The following OAF variants were observed in gnomAD, a reference collection of about 807,000 sequenced individuals.
OAF encodes the protein out at first homolog, also known as out at first protein homolog.
Under a neutral mutation model 22.5 loss-of-function variants are expected in OAF, and 13 were observed. The ratio of observed to expected loss-of-function variants is 0.58; its 90% CI spans 0.38 to 0.92. OAF has a LOEUF of 0.92. Among genes scored for constraint, OAF ranks in the 40% least tolerant of loss-of-function variants. The pLI, the probability that OAF is intolerant of heterozygous loss-of-function variation, is 0.00. For missense variants in OAF, 347 were observed against 381.8 expected (o/e 0.91, Z 0.76); for synonymous variants, 175 against 170.5 (o/e 1.03, Z -0.21).
Position 120,228,864 on chromosome 11 carries a change from C to T in OAF, c.548-4C>T, listed in dbSNP as rs1476484260. 6.4e-7 allele frequency: 1 copy of T among 1,562,714 alleles called. No homozygotes were observed. Among genetic ancestry groups the T allele is most frequent in the African/African-American group, 1.4e-5 (1 of 73,652 alleles). ...CCTCCCTGATCCTTGCCTCTCTCCC[C>T]CAGGTGTGGACAGTTCTGTGTTCGA... On this transcript the variant is annotated splice_region_variant and splice_polypyrimidine_tract_variant and intron_variant, in intron 3 of 3. Coordinates refer to ENST00000328965, the MANE Select transcript of OAF (RefSeq NM_178507.4).
chr11:120,211,859 C>T (rs1938153647), intron 1 of OAF, among the ~76,000 whole-genome samples: 1 of 152,192 alleles, frequency 6.6e-6, no homozygotes, highest in African/African-American at 2.4e-5. Context: ...TCGCTGTGGG[C>T]TCTCACTGTG....
At chr11:120,215,906 G>C (rs1020116471) in intron 1 of OAF, among the ~76,000 whole-genome samples, 1 of 152,120 alleles carries the variant, frequency 6.6e-6, no homozygotes, top group Non-Finnish European at 1.5e-5. Flanking sequence ...GTGGTGGGCG[G>C]TGGGGGTCCC....
In OAF at chr11:120,228,820, TTCCCTCCCTCCC is replaced by T. The variant is rs760449235; in HGVS notation, c.548-34_548-23del. ...AGCGGCCTCTGACTAGGGGAGCTCC[TTCCCTCCCTCCC>T]TCCCTCCCTCCCTGATCCTTGCCTC... On this transcript the variant is annotated intron_variant, in intron 3 of 3. Coordinates refer to ENST00000328965, the MANE Select transcript of OAF (RefSeq NM_178507.4). 4.4e-5 allele frequency: 28 copies of T among 631,110 alleles called. 5 individuals are homozygous for T. Among genetic ancestry groups the T allele is most frequent in the Non-Finnish European group, 6.4e-5 (22 of 344,634 alleles). 39.1% of individuals were successfully genotyped at this position (631,110 alleles called of 1,614,324 possible).
chr11:120,226,477 C>T (rs924938736), intron 2 of OAF, among the ~76,000 whole-genome samples: 3 of 152,222 alleles, frequency 2.0e-5, no homozygotes, highest in South Asian at 2.1e-4. Flanking sequence ...TTGGAAAGTA[C>T]GTGATTCCAG....
intron 3 of OAF, among the ~76,000 whole-genome samples, chr11:120,228,248 C>T (rs904864293): frequency 6.6e-6 from 1 of 152,140 alleles, no homozygotes; most frequent in Non-Finnish European, 1.5e-5. Flanking sequence ...CTGTGCCCAG[C>T]TAATTTTTGT....
chr11:120,222,530 T>A (rs1313203206), intron 1 of OAF, among the ~76,000 whole-genome samples: 1 of 149,812 alleles, frequency 6.7e-6, no homozygotes, highest in Non-Finnish European at 1.5e-5. Context: ...CACTCCAGCC[T>A]GGGTGACGGA....
chr11:120,214,898 G>A (rs1938190470), intron 1 of OAF, among the ~76,000 whole-genome samples: 1 of 152,356 alleles, frequency 6.6e-6, no homozygotes. Context: ...GGCTGACCGA[G>A]CCACAGCTCT....
Position 120,225,711 on chromosome 11 carries a change from G to C in OAF, c.282G>C (p.Gln94His), listed in dbSNP as rs766480346. ...ALILGELEKGQSQFQALCFVT... is the reference protein window; with the variant it reads ...ALILGELEKGHSQFQALCFVT... ...TCCTGGGGGAGCTGGAGAAGGGGCA[G>C]AGTCAGTTCCAGGCCCTCTGCTTTG... is the stretch of plus-strand genomic sequence containing the variant. The change falls in exon 2 of 4, where the codon CAG becomes CAC. Residue 94 changes from glutamine (Q) to histidine (H), a missense_variant. Gln to His is a conservative substitution (Grantham distance 24). Transcript: ENST00000328965. 1 of 1,606,110 alleles carries C rather than the reference G, an allele frequency of 6.2e-7. No homozygotes were observed. Among genetic ancestry groups the C allele is most frequent in the African/African-American group, 1.3e-5 (1 of 74,292 alleles).
rs200287961 is a variant in OAF at position 120,225,814 on chromosome 11, C to T, written c.366+19C>T. 1.9e-3 allele frequency: 3,048 copies of T among 1,589,538 alleles called. 2 individuals are homozygous for T. Among genetic ancestry groups the T allele is most frequent in the Non-Finnish European group, 2.5e-3 (2,900 of 1,170,158 alleles). On this transcript the variant is annotated intron_variant, in intron 2 of 3. Transcript: ENST00000328965. ...CCGGCAGGTAAGTGCCCCACCAGGCCTGCCTGGCCCAGGTCCTGACCCGCA... is the reference window on the plus strand; with the variant it reads ...CCGGCAGGTAAGTGCCCCACCAGGCTTGCCTGGCCCAGGTCCTGACCCGCA...
intron 2 of OAF, among the ~76,000 whole-genome samples, chr11:120,226,262 G>C (rs1032317452): frequency 2.0e-5 from 3 of 152,224 alleles, no homozygotes; most frequent in African/African-American, 7.2e-5. Context: ...CACTGAAACT[G>C]GGTTATGGGG....
At chr11:120,221,170 T>C (rs1275030997) in intron 1 of OAF, among the ~76,000 whole-genome samples, 1 of 152,220 alleles carries the variant, frequency 6.6e-6, no homozygotes, top group Non-Finnish European at 1.5e-5. Context: ...GTTTGCTGAC[T>C]TGAGTTGTCA....
At chr11:120,211,540 C>T in intron 1 of OAF, 30 bp downstream of exon 1, 2 of 1,406,722 alleles carry the variant, frequency 1.4e-6, no homozygotes, top group Admixed American at 2.7e-5. Flanking sequence ...CGGGGTGGCA[C>T]CTTCAAGCCT....
rs1333846199 is a variant in OAF at position 120,225,666 on chromosome 11, G to A, written c.237G>A (p.Val79=). The change falls in exon 2 of 4, where the codon GTG becomes GTA. Residue 79 remains valine (V), a synonymous_variant. Coordinates refer to ENST00000328965, the MANE Select transcript of OAF (RefSeq NM_178507.4). ...VSFTADFKKD[V]KVFRALILGE... The stretch of plus-strand genomic sequence containing the variant: ...ATCCTCCTGCCCTTCTTCAGGATGT[G>A]AAGGTCTTCCGGGCCCTGATCCTGG... 1.3e-6 allele frequency: 2 copies of A among 1,595,220 alleles called. No individual in the cohort carries two copies. The highest frequency in any genetic ancestry group is 1.7e-6 in the Non-Finnish European group (2 of 1,171,602).
chr11:120,229,226 C>T lies in OAF; in HGVS notation c.*84C>T, dbSNP rs943254063. ...AGGGGGTGGCAACCCCCACCTGAGG[C>T]CTTATTTCCCTCCCTCCCCACTCCC... On this transcript the variant is annotated 3_prime_UTR_variant, in exon 4 of 4. Coordinates refer to ENST00000328965, the MANE Select transcript of OAF (RefSeq NM_178507.4). 16 of 1,249,818 alleles carry T rather than the reference C, an allele frequency of 1.3e-5. No homozygotes were observed. Among genetic ancestry groups the T allele is most frequent in the Non-Finnish European group, 1.8e-5 (16 of 881,104 alleles). The allele number at this position is 1,249,818 out of a possible 1,614,324, so 77.4% of individuals were successfully genotyped here. A position where few individuals can be genotyped will look rare whatever the true frequency, so the allele number is the denominator to read the frequency against.
intron 1 of OAF, among the ~76,000 whole-genome samples, chr11:120,218,976 C>T (rs377766567): frequency 4.0e-5 from 6 of 149,934 alleles, no homozygotes; most frequent in South Asian, 2.1e-4. Flanking sequence ...TGCACATGCA[C>T]GCATGTACAC....
At chr11:120,222,327 G>C (rs1279850033) in intron 1 of OAF, among the ~76,000 whole-genome samples, 1 of 152,128 alleles carries the variant, frequency 6.6e-6, no homozygotes, top group Non-Finnish European at 1.5e-5. Flanking sequence ...GGAGGCCAAG[G>C]CAGGCGGATC....
chr11:120,217,134 G>A (rs755894992), intron 1 of OAF: 1 of 152,272 alleles, frequency 6.6e-6, no homozygotes, highest in Non-Finnish European at 1.5e-5. Flanking sequence ...CAAATCCACA[G>A]AGACCCTCGT....
At chr11:120,220,469 G>A (rs1331772753) in intron 1 of OAF, among the ~76,000 whole-genome samples, 1 of 152,188 alleles carries the variant, frequency 6.6e-6, no homozygotes, top group African/African-American at 2.4e-5. Context: ...GGGCAGGGAT[G>A]CACTTCAAGC....
chr11:120,216,071 G>C (rs920819367), intron 1 of OAF, among the ~76,000 whole-genome samples: 3 of 152,152 alleles, frequency 2.0e-5, no homozygotes, highest in Admixed American at 2.0e-4. Context: ...CGCTTCGAAG[G>C]GACAAGGACC....
Sources: allele counts gnomAD v4.1 joint callset (sites outside exome capture counted in the v4.1 genomes callset), GRCh38; gene constraint gnomAD v4.1.1; transcripts MANE v1.5; gene names NCBI Gene and HGNC (gene_info 2026-07-23, HGNC 2026-07-21).